CDC73: variants seen among roughly 807,000 people sequenced by gnomAD.
The protein encoded by CDC73 is parafibromin.
A neutral mutation model predicts 83.7 loss-of-function variants in CDC73; 21 were observed. The observed-to-expected ratio is 0.25, with a 90% CI of 0.18 to 0.36. The LOEUF (loss-of-function observed/expected upper bound fraction) is 0.36. CDC73 is among the 10% of genes least tolerant of loss of function. CDC73 has a pLI of 1.00. For synonymous variants in CDC73, 224 were observed against 212.9 expected (o/e 1.05, Z -0.45); for missense variants, 342 against 653.3 (o/e 0.52, Z 5.19).
At chr1:193,129,132 G>C (rs1185272900) in intron 2 of CDC73, among the ~76,000 whole-genome samples, 1 of 151,788 alleles carries the variant, frequency 6.6e-6, no homozygotes, top group African/African-American at 2.4e-5. Context: ...CGAGTAGCAG[G>C]GACTGCAGGT....
chr1:193,249,594 C>A, intron 15 of CDC73, 136 bp from the exon 16 acceptor site: 1 of 699,488 alleles, frequency 1.4e-6, no homozygotes. Context: ...CGTGTATAAA[C>A]CCTGAATGTT....
intron 7 of CDC73, among the ~76,000 whole-genome samples, chr1:193,144,138 T>C (rs998318761): frequency 1.0e-4 from 8 of 77,426 alleles, no homozygotes; most frequent in African/African-American, 3.3e-4. Flanking sequence ...AAAAATTTCA[T>C]GAGAGGTATA....
intron 10 of CDC73, chr1:193,186,589 C>T (rs947383193): frequency 6.6e-6 from 1 of 152,354 alleles, no homozygotes. Flanking sequence ...TCAGCTGCTG[C>T]ACAGGCAGGC....
chr1:193,143,344 CT>C (rs1675938884), intron 7 of CDC73, among the ~76,000 whole-genome samples: 1 of 152,132 alleles, frequency 6.6e-6, no homozygotes, highest in Non-Finnish European at 1.5e-5. Context: ...AATATTGTGA[CT>C]TACGTTGATC....
chr1:193,143,811 G>A (rs2103127802), intron 7 of CDC73, among the ~76,000 whole-genome samples: 2 of 152,090 alleles, frequency 1.3e-5, no homozygotes, highest in South Asian at 4.1e-4. Flanking sequence ...CAAAAGTCAG[G>A]TTCAAGATTC....
chr1:193,125,325 C>T, intron 2 of CDC73, 108 bp downstream of exon 2: 4 of 735,010 alleles, frequency 5.4e-6, no homozygotes, highest in East Asian at 5.4e-5. Flanking sequence ...GTGGTGTGAT[C>T]ATAGCTCATT....
intron 1 of CDC73, among the ~76,000 whole-genome samples, chr1:193,123,546 T>C (rs1311343185): frequency 1.3e-5 from 2 of 152,220 alleles, no homozygotes; most frequent in Non-Finnish European, 2.9e-5. Context: ...GTTTTAAAAT[T>C]TTTTTGTCTT....
At chr1:193,191,079 A>G (rs1676910337) in intron 10 of CDC73, among the ~76,000 whole-genome samples, 1 of 152,194 alleles carries the variant, frequency 6.6e-6, no homozygotes, top group East Asian at 1.9e-4. Flanking sequence ...TAAATTTAAA[A>G]CATTGTTGGA....
intron 10 of CDC73, among the ~76,000 whole-genome samples, chr1:193,156,279 G>A (rs563089371): frequency 1.8e-3 from 271 of 152,218 alleles, no homozygotes; most frequent in Middle Eastern, 6.8e-3. Flanking sequence ...ATATTTAACT[G>A]GAAGGGTTAC....
chr1:193,216,078 G>T (rs1318309884), intron 13 of CDC73, among the ~76,000 whole-genome samples: 1 of 152,088 alleles, frequency 6.6e-6, no homozygotes, highest in African/African-American at 2.4e-5. Flanking sequence ...AGTCCCAAAG[G>T]TAGCAGAAGA....
At chr1:193,181,793 C>T (rs774791260) in intron 10 of CDC73, 10 of 411,138 alleles carry the variant, frequency 2.4e-5, no homozygotes, top group African/African-American at 1.2e-4. Context: ...AACCCAGGAA[C>T]GAAGCTTGTA....
At chr1:193,189,456 T>G (rs1676882689) in intron 10 of CDC73, among the ~76,000 whole-genome samples, 1 of 152,230 alleles carries the variant, frequency 6.6e-6, no homozygotes, top group Non-Finnish European at 1.5e-5. Context: ...ACATCTGAAT[T>G]CTATGGTTAA....
chr1:193,145,600 A>G (rs768493039), intron 7 of CDC73, among the ~76,000 whole-genome samples: 9 of 152,216 alleles, frequency 5.9e-5, no homozygotes, highest in Non-Finnish European at 1.0e-4. Context: ...TCTTATTTTT[A>G]AAAGAATTTA....
rs536131923 is a variant in CDC73 at position 193,211,146 on chromosome 1, G to T, written c.1031-919G>T. Among the ~76,000 whole-genome samples, 10 of 152,214 alleles carry T rather than the reference G, an allele frequency of 6.6e-5. No homozygotes were observed. In the South Asian group the frequency reaches 2.1e-3, roughly 32 times the overall value. ...ACAGTAGTCCCCACTTACTAGCAGG[G>T]CATACATTCCAAGACCCCCCAGCGG... is the stretch of plus-strand genomic sequence containing the variant. On this transcript the variant is annotated intron_variant, in intron 11 of 16. Coordinates refer to ENST00000367435, the MANE Select transcript of CDC73 (RefSeq NM_024529.5).
chr1:193,212,410 A>G lies in CDC73; in HGVS notation c.1087A>G (p.Ile363Val), dbSNP rs2102038517. 6.8e-6 allele frequency: 11 copies of G among 1,605,892 alleles called. No homozygotes were observed. Among genetic ancestry groups the G allele is most frequent in the African/African-American group, 1.3e-5 (1 of 74,892 alleles). The change falls in exon 13 of 17, where the codon ATA (isoleucine) becomes GTA (valine). Residue 363 changes from isoleucine (I) to valine (V), a missense_variant. Around this residue, in one of 3 missense-constraint regions of CDC73, gnomAD observed 239 missense variants for 420.6 expected, o/e 0.57. Coordinates refer to ENST00000367435, the MANE Select transcript of CDC73 (RefSeq NM_024529.5). The stretch of plus-strand genomic sequence containing the variant: ...TATAGGATCTCGAACACCCATTATC[A>G]TAATTCCTGCAGCTACCACCTCTTT... ...QKKGSRTPIIIIPAATTSLIT... is the reference protein window; with the variant it reads ...QKKGSRTPIIVIPAATTSLIT...
chr1:193,169,495 A>G (rs993807150), intron 10 of CDC73, among the ~76,000 whole-genome samples: 2 of 152,240 alleles, frequency 1.3e-5, no homozygotes, highest in African/African-American at 4.8e-5. Context: ...CAGTGAGCCA[A>G]GATCACATCA....
chr1:193,206,090 G>A (rs910932909), intron 11 of CDC73, among the ~76,000 whole-genome samples: 2 of 152,124 alleles, frequency 1.3e-5, no homozygotes, highest in Admixed American at 6.6e-5. Context: ...GCTGGGAGAG[G>A]CACTGATACC....
intron 2 of CDC73, among the ~76,000 whole-genome samples, chr1:193,129,094 T>C (rs892736415): frequency 1.3e-5 from 2 of 150,134 alleles, no homozygotes; most frequent in Non-Finnish European, 3.0e-5. Flanking sequence ...GCCGCCCAGG[T>C]TCAAGCGATT....
chr1:193,220,873 T>C (rs1677457988), intron 13 of CDC73, among the ~76,000 whole-genome samples: 1 of 152,216 alleles, frequency 6.6e-6, no homozygotes, highest in Admixed American at 6.5e-5. Flanking sequence ...TAACAGAAAC[T>C]GTCAGACTCA....
Sources: allele counts gnomAD v4.1 joint callset (sites outside exome capture counted in the v4.1 genomes callset), GRCh38; gene constraint gnomAD v4.1.1; regional missense constraint gnomAD v4.1.1; transcripts MANE v1.5; gene names NCBI Gene and HGNC (gene_info 2026-07-23, HGNC 2026-07-21).